The following SRSF12 variants were observed in gnomAD, a reference collection of about 807,000 sequenced individuals.
SRSF12 encodes serine and arginine rich splicing factor 12.
Under a neutral mutation model 34.1 loss-of-function variants are expected in SRSF12, and 21 were observed. The observed-to-expected ratio is 0.62, with a 90% CI of 0.44 to 0.89. The LOEUF (loss-of-function observed/expected upper bound fraction) is 0.89, where lower values mean the gene tolerates loss of function less well. Ranked by LOEUF, SRSF12 falls within the 40% of genes least tolerant of loss-of-function variation. The pLI is 0.00. For synonymous variants in SRSF12, 111 were observed against 110.8 expected (o/e 1.00, Z -0.01); for missense variants, 278 against 327.8 (o/e 0.85, Z 1.17).
chr6:89,117,000 G>C (rs1769332943), intron 1 of SRSF12, among the ~76,000 whole-genome samples: 1 of 150,918 alleles, frequency 6.6e-6, no homozygotes. Flanking sequence ...ATGAAGCCCA[G>C]TGAAATGAGA....
intron 1 of SRSF12, among the ~76,000 whole-genome samples, chr6:89,108,511 C>CA (rs1477259852): frequency 6.6e-6 from 1 of 152,216 alleles, no homozygotes; most frequent in African/African-American, 2.4e-5. Context: ...TTAACCACTA[C>CA]ACCCTACTGC....
chr6:89,113,606 G>A lies in SRSF12; in HGVS notation c.65+4217C>T, dbSNP rs1769157774. On this transcript the variant is annotated intron_variant, in intron 1 of 4. Coordinates refer to ENST00000452027, the MANE Select transcript of SRSF12 (RefSeq NM_080743.5). ...TTATAGATGTGAGCCACCGTGCCAG[G>A]CCCCAAAGATTTTGTTTATAAGCAT... is the stretch of plus-strand genomic sequence containing the variant. Among the ~76,000 whole-genome samples, 3 of 152,062 alleles carry A rather than the reference G, an allele frequency of 2.0e-5. No homozygotes were observed. The South Asian group carries it at 6.2e-4, about 31-fold the overall frequency.
chr6:89,105,523 C>T lies in SRSF12; in HGVS notation c.178G>A (p.Asp60Asn). 6.2e-7 allele frequency: 1 copy of T among 1,601,278 alleles called. No individual in the cohort carries two copies. Among genetic ancestry groups the T allele is most frequent in the Non-Finnish European group, 8.5e-7 (1 of 1,175,462 alleles). The change falls in exon 3 of 5, where the codon GAT becomes AAT. Residue 60 changes from aspartate (D) to asparagine (N), a missense_variant. Physicochemically the swap from Asp to Asn is conservative, Grantham distance 23. Coordinates refer to ENST00000452027, the MANE Select transcript of SRSF12 (RefSeq NM_080743.5). ...PRGFAYVQFE[D>N]VRDAEDALYN... The stretch of plus-strand genomic sequence containing the variant: ...AGAGCATCTTCAGCATCTCGAACAT[C>T]TTCAAATATGACTAGCTGTTAAGGA...
intron 1 of SRSF12, 84 bp from the exon 2 acceptor site, chr6:89,107,342 A>G (rs1768841245): frequency 2.0e-6 from 2 of 1,016,294 alleles, no homozygotes; most frequent in Admixed American, 2.4e-5. Flanking sequence ...TGAAACCTTC[A>G]AAAGAAAGAA....
Position 89,117,809 on chromosome 6 carries a change from C to T in SRSF12, c.65+14G>A, listed in dbSNP as rs775344156. 11 of 1,548,650 alleles carry T rather than the reference C, an allele frequency of 7.1e-6. No homozygotes were observed. The highest frequency in any genetic ancestry group is 2.4e-5 in the South Asian group (2 of 84,108). On this transcript the variant is annotated intron_variant, in intron 1 of 4. Coordinates refer to ENST00000452027, the MANE Select transcript of SRSF12 (RefSeq NM_080743.5). ...CCTCCTCCGCGCCCCCAACCTGCAGCCGCGGCCGTTCACCTGGTGGCGTCC... is the reference window on the plus strand; with the variant it reads ...CCTCCTCCGCGCCCCCAACCTGCAGTCGCGGCCGTTCACCTGGTGGCGTCC...
intron 4 of SRSF12, among the ~76,000 whole-genome samples, chr6:89,102,691 C>T (rs1768592898): frequency 1.3e-5 from 2 of 152,174 alleles, no homozygotes; most frequent in Admixed American, 6.6e-5. Flanking sequence ...CTAACATACA[C>T]ATTCCTTGAT....
chr6:89,111,129 G>C (rs1237745959), intron 1 of SRSF12, among the ~76,000 whole-genome samples: 1 of 147,886 alleles, frequency 6.8e-6, no homozygotes, highest in African/African-American at 2.5e-5. Context: ...TTTTTTTGGA[G>C]ATGGAATCTT....
At chr6:89,108,609 GCTT>G (rs771286216) in intron 1 of SRSF12, among the ~76,000 whole-genome samples, 6 of 152,152 alleles carry the variant, frequency 3.9e-5, no homozygotes. Flanking sequence ...TGACTAAGAA[GCTT>G]CTAGCTTGGA....
intron 1 of SRSF12, among the ~76,000 whole-genome samples, chr6:89,114,600 A>T (rs1769203437): frequency 7.0e-6 from 1 of 143,574 alleles, no homozygotes; most frequent in Non-Finnish European, 1.5e-5. Context: ...CCAGTGGCAA[A>T]GCTAAAAAAA....
In SRSF12 at chr6:89,107,393, G is replaced by C. The variant is rs1768844006; in HGVS notation, c.66-135C>G. On this transcript the variant is annotated intron_variant, in intron 1 of 4. Transcript: ENST00000452027. ...CATTATCTAAAATTGTTTTTTGTAA[G>C]AATCATGCAAGGTTTTGAAAGAAAG... 6.1e-6 allele frequency: 4 copies of C among 654,774 alleles called. No homozygotes were observed. In the East Asian group the frequency reaches 1.1e-4, roughly 18 times the overall value. 40.6% of individuals were successfully genotyped at this position (654,774 alleles called of 1,614,324 possible).
chr6:89,100,458 C>T (rs1768489595), intron 4 of SRSF12, among the ~76,000 whole-genome samples: 1 of 151,532 alleles, frequency 6.6e-6, no homozygotes, highest in Non-Finnish European at 1.5e-5. Flanking sequence ...AGAAAACTGT[C>T]TTTGGAGAAT....
rs189526107 is a variant in SRSF12 at position 89,110,392 on chromosome 6, T to G, written c.66-3134A>C. On this transcript the variant is annotated intron_variant, in intron 1 of 4. Transcript: ENST00000452027. ...TTAAATACCCTCTAAGGTTTCCCAC[T>G]GGTTACTCGGTTACACCCTATGTAA... 2.6e-3 allele frequency among the ~76,000 whole-genome samples: 402 copies of G among 152,318 alleles called. 1 individual carries two copies. The highest frequency in any genetic ancestry group is 0.01 in the Middle Eastern group (3 of 294).
chr6:89,107,299 T>C (rs1181561513), intron 1 of SRSF12, 41 bp from the exon 2 acceptor site: 3 of 1,489,482 alleles, frequency 2.0e-6, no homozygotes, highest in Non-Finnish European at 1.9e-6. Flanking sequence ...TATGAATAGC[T>C]GGATTAAAAT....
intron 1 of SRSF12, among the ~76,000 whole-genome samples, chr6:89,117,006 T>C (rs1769333237): frequency 6.6e-6 from 1 of 151,998 alleles, no homozygotes; most frequent in African/African-American, 2.4e-5. Context: ...CCCAGTGAAA[T>C]GAGAATGTCT....
intron 4 of SRSF12, among the ~76,000 whole-genome samples, chr6:89,102,341 G>C (rs528264275): frequency 6.6e-6 from 1 of 151,934 alleles, no homozygotes; most frequent in East Asian, 1.9e-4. Flanking sequence ...ATGGGGTTTC[G>C]CCATGTTGGC....
intron 1 of SRSF12, among the ~76,000 whole-genome samples, chr6:89,117,591 C>T (rs531355297): frequency 6.6e-6 from 1 of 152,274 alleles, no homozygotes; most frequent in African/African-American, 2.4e-5. Context: ...GCCCGGGACA[C>T]GATGTGCGCG....
intron 1 of SRSF12, among the ~76,000 whole-genome samples, chr6:89,116,992 G>GAAGT (rs149679465): frequency 0.064 from 9,768 of 152,018 alleles, 911 homozygotes; most frequent in African/African-American, 0.21. Flanking sequence ...GGAAGTAAAT[G>GAAGT]AAGCCCAGTG....
At chr6:89,113,879 G>C (rs540075675) in intron 1 of SRSF12, among the ~76,000 whole-genome samples, 32 of 152,216 alleles carry the variant, frequency 2.1e-4, no homozygotes, top group African/African-American at 7.5e-4. Flanking sequence ...CTGAGCTTAA[G>C]TGATCTACCC....
chr6:89,117,056 A>G (rs1769336525), intron 1 of SRSF12, among the ~76,000 whole-genome samples: 4 of 151,920 alleles, frequency 2.6e-5, no homozygotes, highest in Admixed American at 2.6e-4. Flanking sequence ...CAATTTCTTC[A>G]GCTCCATTAA....
Sources: allele counts gnomAD v4.1 joint callset (sites outside exome capture counted in the v4.1 genomes callset), GRCh38; gene constraint gnomAD v4.1.1; transcripts MANE v1.5; gene names NCBI Gene and HGNC (gene_info 2026-07-23, HGNC 2026-07-21).